GRID1: variants seen among roughly 807,000 people sequenced by gnomAD.
The protein encoded by GRID1 is glutamate ionotropic receptor delta type subunit 1.
In GRID1, 28 loss-of-function variants were observed where a neutral mutation model predicts 98.0. That is an observed-to-expected ratio of 0.29 (90% CI 0.21 to 0.39). The LOEUF (loss-of-function observed/expected upper bound fraction) is 0.39. Among genes scored for constraint, GRID1 ranks in the 10% least tolerant of loss-of-function variants. GRID1 has a pLI of 1.00. For missense variants in GRID1, 1,111 were observed against 1,340.5 expected, an observed-to-expected ratio of 0.83 and a Z score of 2.67; for synonymous variants, 553 against 538.5, an observed-to-expected ratio of 1.03 and a Z score of -0.37.
intron 2 of GRID1, among the ~76,000 whole-genome samples, chr10:86,297,522 A>G (rs1847611589): frequency 6.6e-6 from 1 of 152,208 alleles, no homozygotes; most frequent in East Asian, 1.9e-4. Flanking sequence ...CTAGCAGGAA[A>G]TAGAAGGAAA....
chr10:86,147,461 C>T (rs1169257215), intron 3 of GRID1, among the ~76,000 whole-genome samples: 1 of 152,236 alleles, frequency 6.6e-6, no homozygotes, highest in East Asian at 1.9e-4. Flanking sequence ...CTACAGTAAC[C>T]AAAACAGCAT....
chr10:86,255,618 G>T (rs1041585732), intron 2 of GRID1, among the ~76,000 whole-genome samples: 2 of 152,178 alleles, frequency 1.3e-5, no homozygotes, highest in African/African-American at 4.8e-5. Flanking sequence ...GCCCAGCCTT[G>T]TGGCACTGGC....
chr10:85,877,290 C>T (rs1284425044), intron 5 of GRID1, among the ~76,000 whole-genome samples: 7 of 152,222 alleles, frequency 4.6e-5, no homozygotes, highest in Non-Finnish European at 8.8e-5. Flanking sequence ...GATCTGAGAA[C>T]GGGCAGACTG....
chr10:86,305,697 A>G (rs927891174), intron 2 of GRID1, among the ~76,000 whole-genome samples: 3 of 152,178 alleles, frequency 2.0e-5, no homozygotes, highest in African/African-American at 7.2e-5. Flanking sequence ...GGGGATTCCA[A>G]TAAGGTCTTC....
At chr10:85,630,939 T>A (rs1035766479) in intron 13 of GRID1, among the ~76,000 whole-genome samples, 36 of 152,120 alleles carry the variant, frequency 2.4e-4, no homozygotes, top group African/African-American at 8.0e-4. Context: ...AGCTCTAGGG[T>A]GTTGAATTGG....
chr10:85,840,555 T>C (rs1316140999), intron 8 of GRID1, among the ~76,000 whole-genome samples: 1 of 152,174 alleles, frequency 6.6e-6, no homozygotes, highest in Non-Finnish European at 1.5e-5. Flanking sequence ...CTATCCCTGT[T>C]TGCAGATGAT....
intron 2 of GRID1, among the ~76,000 whole-genome samples, chr10:86,312,150 G>A (rs748029600): frequency 2.6e-5 from 4 of 152,228 alleles, no homozygotes; most frequent in African/African-American, 4.8e-5. Context: ...AAATGTGGGT[G>A]AAAACAAGGC....
At chr10:85,713,024 C>T (rs1400143199) in intron 12 of GRID1, among the ~76,000 whole-genome samples, 5 of 151,418 alleles carry the variant, frequency 3.3e-5, no homozygotes, top group Non-Finnish European at 4.4e-5. Context: ...GAAGAACAAA[C>T]GAAGCCCAAA....
At chr10:85,955,690 C>G (rs1422754375) in intron 4 of GRID1, among the ~76,000 whole-genome samples, 1 of 152,110 alleles carries the variant, frequency 6.6e-6, no homozygotes, top group Non-Finnish European at 1.5e-5. Context: ...AGTGGAGACT[C>G]CAGGCTGTCC....
chr10:85,830,875 A>C (rs1842861614), intron 8 of GRID1, among the ~76,000 whole-genome samples: 1 of 152,208 alleles, frequency 6.6e-6, no homozygotes, highest in Non-Finnish European at 1.5e-5. Context: ...AATGTAAATT[A>C]GCTCAGCCAT....
At chr10:86,268,134 GAC>G (rs972270619) in intron 2 of GRID1, among the ~76,000 whole-genome samples, 1 of 152,178 alleles carries the variant, frequency 6.6e-6, no homozygotes, top group African/African-American at 2.4e-5. Context: ...AGCACAGAAA[GAC>G]ACACACGGGG....
chr10:85,850,104 G>A (rs578242794), intron 8 of GRID1, among the ~76,000 whole-genome samples: 2 of 152,072 alleles, frequency 1.3e-5, no homozygotes, highest in Admixed American at 6.5e-5. Flanking sequence ...CCACTGAATC[G>A]GGTGGATGCC....
At chr10:86,245,086 G>A (rs540594746) in intron 2 of GRID1, among the ~76,000 whole-genome samples, 15 of 152,316 alleles carry the variant, frequency 9.8e-5, no homozygotes, top group Non-Finnish European at 1.6e-4. Context: ...AGGCGATGGC[G>A]GGGGACCTTA....
chr10:86,066,134 C>T (rs1843716460), intron 4 of GRID1, among the ~76,000 whole-genome samples: 1 of 152,118 alleles, frequency 6.6e-6, no homozygotes, highest in Non-Finnish European at 1.5e-5. Flanking sequence ...CAATTGCCCA[C>T]ACATAGCAGG....
At chr10:86,292,814 G>A (rs1275801709) in intron 2 of GRID1, among the ~76,000 whole-genome samples, 3 of 152,034 alleles carry the variant, frequency 2.0e-5, no homozygotes, top group African/African-American at 7.2e-5. Flanking sequence ...GAGTGTGGAT[G>A]TTAACGTGAG....
chr10:86,356,946 A>T (rs747779470), intron 2 of GRID1, among the ~76,000 whole-genome samples: 7 of 152,224 alleles, frequency 4.6e-5, no homozygotes, highest in Non-Finnish European at 8.8e-5. Flanking sequence ...GAGGATTTCA[A>T]CCTCGCAGCT....
chr10:85,880,449 G>C (rs1240051162), intron 5 of GRID1, among the ~76,000 whole-genome samples: 1 of 152,180 alleles, frequency 6.6e-6, no homozygotes, highest in Non-Finnish European at 1.5e-5. Flanking sequence ...TCATCCCTGG[G>C]ATGCAAGGCT....
intron 4 of GRID1, among the ~76,000 whole-genome samples, chr10:86,022,283 T>C (rs1843060001): frequency 6.6e-6 from 1 of 152,248 alleles, no homozygotes; most frequent in South Asian, 2.1e-4. Flanking sequence ...TTTTTTCTAA[T>C]ACTTGAATCA....
At chr10:85,903,546 C>A (rs193206457) in intron 5 of GRID1, among the ~76,000 whole-genome samples, 2 of 152,280 alleles carry the variant, frequency 1.3e-5, no homozygotes, top group East Asian at 3.9e-4. Flanking sequence ...ACTCTTAAGG[C>A]AGCTACCAGG....
Sources: allele counts gnomAD v4.1 joint callset (sites outside exome capture counted in the v4.1 genomes callset), GRCh38; gene constraint gnomAD v4.1.1; transcripts MANE v1.5; gene names NCBI Gene and HGNC (gene_info 2026-07-23, HGNC 2026-07-21).